Variants in EPHA3 observed in about 807,000 individuals in gnomAD.
The protein encoded by EPHA3 is ephrin type-A receptor 3.
Under a neutral mutation model 107.1 loss-of-function variants are expected in EPHA3, and 42 were observed. The ratio of observed to expected loss-of-function variants is 0.39; its 90% CI spans 0.31 to 0.51. The LOEUF (loss-of-function observed/expected upper bound fraction) is 0.51. Ranked by LOEUF, EPHA3 falls within the 20% of genes least tolerant of loss-of-function variation. The pLI is 0.78. For synonymous variants in EPHA3, 461 were observed against 424.8 expected, an observed-to-expected ratio of 1.09 and a Z score of -1.05; for missense variants, 1,183 against 1,211.2, an observed-to-expected ratio of 0.98 and a Z score of 0.35.
At chr3:89,264,125 A>G (rs1035312107) in intron 3 of EPHA3, among the ~76,000 whole-genome samples, 1 of 152,192 alleles carries the variant, frequency 6.6e-6, no homozygotes, top group African/African-American at 2.4e-5. Flanking sequence ...AAATCTTATC[A>G]TCTGAATCAA....
At chr3:89,313,691 C>T (rs1396791088) in intron 3 of EPHA3, among the ~76,000 whole-genome samples, 1 of 151,728 alleles carries the variant, frequency 6.6e-6, no homozygotes, top group Non-Finnish European at 1.5e-5. Flanking sequence ...GCCAAATATA[C>T]AGTCTTATGT....
intron 13 of EPHA3, 66 bp downstream of exon 13, chr3:89,431,425 A>T: frequency 1.4e-6 from 2 of 1,391,772 alleles, no homozygotes; most frequent in Non-Finnish European, 2.0e-6. Flanking sequence ...TGATTTGTAA[A>T]TAAGTAGAAA....
intron 3 of EPHA3, among the ~76,000 whole-genome samples, chr3:89,315,106 T>C (rs1365938875): frequency 6.6e-6 from 1 of 151,810 alleles, no homozygotes; most frequent in African/African-American, 2.4e-5. Flanking sequence ...ATCTTATGGG[T>C]CCACTGTCAT....
intron 2 of EPHA3, among the ~76,000 whole-genome samples, chr3:89,131,894 G>A (rs1704214443): frequency 6.6e-6 from 1 of 152,176 alleles, no homozygotes; most frequent in African/African-American, 2.4e-5. Flanking sequence ...CCTTGCTGAT[G>A]AAAGAAACAT....
At chr3:89,153,747 A>G (rs576798397) in intron 2 of EPHA3, among the ~76,000 whole-genome samples, 1 of 152,202 alleles carries the variant, frequency 6.6e-6, no homozygotes, top group African/African-American at 2.4e-5. Context: ...CTCTGTGTTC[A>G]TCATAGAATG....
intron 12 of EPHA3, 84 bp from the exon 13 acceptor site, chr3:89,431,066 T>C (rs1180315318): frequency 1.3e-5 from 18 of 1,398,356 alleles, no homozygotes; most frequent in Non-Finnish European, 1.8e-5. Flanking sequence ...GTTACAAAAT[T>C]CAATATGTGA....
At chr3:89,409,911 A>G (rs561236408) in intron 9 of EPHA3, among the ~76,000 whole-genome samples, 8 of 152,068 alleles carry the variant, frequency 5.3e-5, no homozygotes, top group Non-Finnish European at 1.0e-4. Context: ...TAAAATGGAA[A>G]TGTAAATTAT....
intron 3 of EPHA3, among the ~76,000 whole-genome samples, chr3:89,253,359 A>G (rs1404824636): frequency 2.0e-5 from 3 of 152,122 alleles, no homozygotes; most frequent in Non-Finnish European, 4.4e-5. Context: ...AAAGACACAC[A>G]CAATTCATAC....
intron 2 of EPHA3, among the ~76,000 whole-genome samples, chr3:89,177,284 G>C (rs187001143): frequency 4.6e-4 from 70 of 152,244 alleles, no homozygotes; most frequent in Non-Finnish European, 7.6e-4. Flanking sequence ...AAGGACACTT[G>C]TCTGGGTGTT....
intron 3 of EPHA3, among the ~76,000 whole-genome samples, chr3:89,228,749 G>A (rs922727858): frequency 2.6e-5 from 4 of 151,792 alleles, no homozygotes; most frequent in African/African-American, 9.7e-5. Context: ...AAGTATGTAA[G>A]GACGTATGAA....
chr3:89,411,583 C>T (rs1240445072), intron 9 of EPHA3, among the ~76,000 whole-genome samples: 1 of 151,904 alleles, frequency 6.6e-6, no homozygotes, highest in East Asian at 1.9e-4. Flanking sequence ...AGTTTATTCT[C>T]ACACTTACGT....
intron 2 of EPHA3, among the ~76,000 whole-genome samples, chr3:89,142,425 A>G (rs918712790): frequency 6.6e-6 from 1 of 151,438 alleles, no homozygotes; most frequent in African/African-American, 2.4e-5. Context: ...CTCTCAAGGC[A>G]CTTATAAGTA....
chr3:89,297,860 C>A lies in EPHA3; in HGVS notation c.815-43056C>A, dbSNP rs146605737. Reference sequence around the variant, plus strand: ...GACCAGCCTGGCCAACATGGCAAAACCCCGTCTCTACTAAAAATACAGAAA... The same window carrying A: ...GACCAGCCTGGCCAACATGGCAAAAACCCGTCTCTACTAAAAATACAGAAA... On this transcript the variant is annotated intron_variant, in intron 3 of 16. Coordinates refer to ENST00000336596, the MANE Select transcript of EPHA3 (RefSeq NM_005233.6). Among the ~76,000 whole-genome samples, 64 of 152,180 alleles carry A rather than the reference C, an allele frequency of 4.2e-4. 1 individual carries two copies. The highest frequency in any genetic ancestry group is 3.4e-3 in the Middle Eastern group (1 of 294).
intron 1 of EPHA3, among the ~76,000 whole-genome samples, chr3:89,124,425 G>A (rs1040366736): frequency 6.6e-6 from 1 of 152,078 alleles, no homozygotes; most frequent in Non-Finnish European, 1.5e-5. Flanking sequence ...TCCCAATTAA[G>A]TAACAATTCA....
In EPHA3 at chr3:89,186,473, C is replaced by T. The variant is rs1215209379; in HGVS notation, c.154-23387C>T. ...AATTATTTCAAAGTCAAAACGGCTT[C>T]AATTTACTTTCCACTGTCACGAATT... On this transcript the variant is annotated intron_variant, in intron 2 of 16. Coordinates refer to ENST00000336596, the MANE Select transcript of EPHA3 (RefSeq NM_005233.6). Among the ~76,000 whole-genome samples the T allele has an allele frequency of 2.6e-5, 4 of 152,208 alleles. No individual in the cohort carries two copies. In the East Asian group the frequency reaches 7.7e-4, roughly 29 times the overall value.
chr3:89,312,419 A>G (rs1356284257), intron 3 of EPHA3, among the ~76,000 whole-genome samples: 1 of 149,720 alleles, frequency 6.7e-6, no homozygotes, highest in African/African-American at 2.5e-5. Context: ...GTCATGGTTT[A>G]TGAAATAAAG....
intron 2 of EPHA3, among the ~76,000 whole-genome samples, chr3:89,185,337 G>A (rs553127052): frequency 2.6e-5 from 4 of 152,058 alleles, no homozygotes; most frequent in Admixed American, 2.6e-4. Flanking sequence ...GAACTCTCTG[G>A]TGGGTACTCC....
rs1178639891 is a variant in EPHA3 at position 89,367,087 on chromosome 3, AAAG to A, written c.1306+24998_1306+25000del. On this transcript the variant is annotated intron_variant, in intron 5 of 16. Coordinates refer to ENST00000336596, the MANE Select transcript of EPHA3 (RefSeq NM_005233.6). ...TGCGTTTCCACCTCATCTGTTTTAC[AAAG>A]TACCTTAATCCAAGTGCTTTACTGT... is the stretch of plus-strand genomic sequence containing the variant. Among the ~76,000 whole-genome samples, 3 of 150,628 alleles carry A rather than the reference AAAG, an allele frequency of 2.0e-5. 1 individual carries two copies. The highest frequency in any genetic ancestry group is 4.8e-5 in the African/African-American group (2 of 41,260).
At chr3:89,446,875 G>C (rs1010392100) in intron 13 of EPHA3, among the ~76,000 whole-genome samples, 13 of 152,062 alleles carry the variant, frequency 8.5e-5, no homozygotes, top group African/African-American at 3.1e-4. Context: ...AAGGCAGTTA[G>C]AAAAATGACA....
Sources: gnomAD v4.1 joint callset for allele counts (sites outside exome capture counted in the v4.1 genomes callset) on GRCh38, gnomAD v4.1.1 for gene constraint, MANE v1.5 for transcripts, NCBI Gene and HGNC (gene_info 2026-07-23, HGNC 2026-07-21) for gene names.